The following MRC1 variants were observed in gnomAD, a reference collection of about 807,000 sequenced individuals.
MRC1 encodes the protein macrophage mannose receptor 1.
MRC1 carries 62 observed loss-of-function variants against 102.9 expected under a neutral mutation model. That is an observed-to-expected ratio of 0.60 (90% CI 0.49 to 0.74). The LOEUF (loss-of-function observed/expected upper bound fraction) is 0.74, where lower values mean the gene tolerates loss of function less well. Among genes scored for constraint, MRC1 ranks in the 30% least tolerant of loss-of-function variants. The pLI is 0.00. For synonymous variants in MRC1, 457 were observed against 298.4 expected (o/e 1.53, Z -5.48); for missense variants, 1,237 against 862.8 (o/e 1.43, Z -5.43).
intron 1 of MRC1, among the ~76,000 whole-genome samples, chr10:17,819,097 T>A (rs1173907918): frequency 1.3e-5 from 2 of 152,108 alleles, no homozygotes; most frequent in Non-Finnish European, 2.9e-5. Flanking sequence ...AACCTCTCCA[T>A]AAAGGTAGAT....
intron 3 of MRC1, among the ~76,000 whole-genome samples, chr10:17,828,228 C>T (rs1250066542): frequency 1.3e-5 from 2 of 152,032 alleles, no homozygotes; most frequent in Non-Finnish European, 2.9e-5. Context: ...AGGCGCCCGC[C>T]ACCACGCCTG....
intron 27 of MRC1, 26 bp from the exon 28 acceptor site, chr10:17,907,508 C>T (rs1046105419): frequency 5.1e-6 from 4 of 780,314 alleles, no homozygotes; most frequent in African/African-American, 5.1e-5. Context: ...TAACTTTTGT[C>T]TTTATTGGTT....
intron 3 of MRC1, among the ~76,000 whole-genome samples, chr10:17,831,087 G>A (rs1386974836): frequency 1.3e-5 from 2 of 148,358 alleles, no homozygotes; most frequent in East Asian, 2.0e-4. Context: ...TAGTAGAGAC[G>A]GAGTTTCACC....
intron 22 of MRC1, among the ~76,000 whole-genome samples, chr10:17,892,932 C>T (rs1453122195): frequency 6.6e-6 from 1 of 151,794 alleles, no homozygotes; most frequent in East Asian, 1.9e-4. Context: ...ATTGCTTGAA[C>T]CCAGGAGGCA....
intron 2 of MRC1, among the ~76,000 whole-genome samples, chr10:17,826,453 T>C (rs892651199): frequency 5.3e-5 from 8 of 152,216 alleles, no homozygotes; most frequent in Non-Finnish European, 1.0e-4. Context: ...CCGCCTGCCT[T>C]GGCCTCTCAA....
chr10:17,906,911 T>G lies in MRC1; in HGVS notation c.3825T>G (p.Ser1275Arg). The change falls in exon 27 of 30, where the codon AGT becomes AGG. Residue 1275 changes from serine (S) to arginine (R), a missense_variant. Physicochemically the swap from Ser to Arg is moderately radical, Grantham distance 110. Transcript: ENST00000569591. ...GTTCCTCTCTGGTTTCCATTGAAAG[T>G]GCTGCAGAATCCAGTTTTCTGTCAT... ...RMGSSLVSIE[S>R]AAESSFLSYR... 1.2e-6 allele frequency: 1 copy of G among 802,032 alleles called. No homozygotes were observed. The highest frequency in any genetic ancestry group is 2.3e-6 in the Non-Finnish European group (1 of 437,492). The allele number at this position is 802,032 out of a possible 1,614,324, so 49.7% of individuals were successfully genotyped here.
chr10:17,851,168 G>A (rs1838910306), intron 7 of MRC1, among the ~76,000 whole-genome samples: 3 of 152,158 alleles, frequency 2.0e-5, no homozygotes, highest in East Asian at 3.9e-4. Context: ...ATAATGTAGT[G>A]AAAGAAAAAA....
rs1259198310 is a variant in MRC1, at chr10:17,849,227, A to G, written c.1064-352A>G. On this transcript the variant is annotated intron_variant, in intron 6 of 29. Transcript: ENST00000569591. ...TGAGGCAGGAGGACTGCTTGAGCCC[A>G]GGAGGTTGAGGCTGCAATGAGACAT... Among the ~76,000 whole-genome samples the G allele has an allele frequency of 2.6e-5, 4 of 151,248 alleles. No homozygotes were observed. The East Asian group carries it at 7.8e-4, about 29-fold the overall frequency.
chr10:17,842,685 C>G (rs1657168016), intron 5 of MRC1, among the ~76,000 whole-genome samples: 1 of 152,110 alleles, frequency 6.6e-6, no homozygotes, highest in South Asian at 2.1e-4. Context: ...ATTTATTCTT[C>G]TTTGTGTTGC....
At chr10:17,824,518 C>T (rs1838444793) in intron 2 of MRC1, among the ~76,000 whole-genome samples, 1 of 152,050 alleles carries the variant, frequency 6.6e-6, no homozygotes, top group African/African-American at 2.4e-5. Context: ...CATCTAGGCA[C>T]AGAAGAAGGG....
chr10:17,906,003 T>C (rs2130723933), intron 26 of MRC1, among the ~76,000 whole-genome samples: 1 of 152,362 alleles, frequency 6.6e-6, no homozygotes, highest in East Asian at 1.9e-4. Context: ...ATTTTTACTC[T>C]AAAATTTAAT....
chr10:17,857,676 C>T (rs1313154020), intron 9 of MRC1, among the ~76,000 whole-genome samples: 1 of 152,186 alleles, frequency 6.6e-6, no homozygotes, highest in Non-Finnish European at 1.5e-5. Flanking sequence ...GCAGTGCTTT[C>T]CTTACCGGGC....
At chr10:17,881,487 C>T (rs1833516937) in intron 21 of MRC1, among the ~76,000 whole-genome samples, 1 of 152,060 alleles carries the variant, frequency 6.6e-6, no homozygotes, top group Non-Finnish European at 1.5e-5. Flanking sequence ...AGCTGGGAGT[C>T]AAACCTAGGT....
At chr10:17,862,179 T>G (rs1361561644) in intron 10 of MRC1, among the ~76,000 whole-genome samples, 1 of 152,158 alleles carries the variant, frequency 6.6e-6, no homozygotes, top group East Asian at 1.9e-4. Context: ...TTTACTGGAC[T>G]TTCGAGGCAG....
In MRC1 at chr10:17,906,914, T is replaced by C; in HGVS notation, c.3828T>C (p.Ala1276=). ...MGSSLVSIES[A]AESSFLSYRV... ...CCTCTCTGGTTTCCATTGAAAGTGC[T>C]GCAGAATCCAGTTTTCTGTCATATC... is the stretch of plus-strand genomic sequence containing the variant. Residue 1276 remains alanine, a synonymous_variant, in exon 27 of 30, where the codon GCT becomes GCC. Transcript: ENST00000569591. 1.2e-6 allele frequency: 1 copy of C among 805,826 alleles called. No individual in the cohort carries two copies. Among genetic ancestry groups the C allele is most frequent in the Non-Finnish European group, 2.3e-6 (1 of 440,958 alleles). 49.9% of individuals were successfully genotyped at this position (805,826 alleles called of 1,614,324 possible).
chr10:17,838,772 G>A (rs1035919340), intron 4 of MRC1, among the ~76,000 whole-genome samples: 10 of 152,088 alleles, frequency 6.6e-5, no homozygotes, highest in African/African-American at 1.9e-4. Flanking sequence ...TCAGGAGTTC[G>A]AGATCAGCCT....
At chr10:17,892,630 GTGC>G (rs1379609250) in intron 22 of MRC1, among the ~76,000 whole-genome samples, 1 of 152,110 alleles carries the variant, frequency 6.6e-6, no homozygotes, top group Admixed American at 6.5e-5. Flanking sequence ...TTCTTTAAGT[GTGC>G]TCCTTTTTTT....
chr10:17,878,497 G>T (rs1271594188), intron 18 of MRC1, among the ~76,000 whole-genome samples: 2 of 152,072 alleles, frequency 1.3e-5, no homozygotes, highest in African/African-American at 4.8e-5. Flanking sequence ...ATGAGAAAAT[G>T]AATACATTTT....
intron 25 of MRC1, 64 bp downstream of exon 25, chr10:17,901,017 C>G: frequency 1.3e-6 from 1 of 745,234 alleles, no homozygotes; most frequent in Non-Finnish European, 2.5e-6. Flanking sequence ...CTACATACCA[C>G]TGTTGATATT....
Sources: allele counts gnomAD v4.1 joint callset (sites outside exome capture counted in the v4.1 genomes callset), GRCh38; gene constraint gnomAD v4.1.1; transcripts MANE v1.5; gene names NCBI Gene and HGNC (gene_info 2026-07-23, HGNC 2026-07-21).